MCF2: variants seen among roughly 807,000 people sequenced by gnomAD.
The protein encoded by MCF2 is MCF.2 cell line derived transforming sequence, also known as proto-oncogene DBL.
MCF2 carries 44 observed loss-of-function variants against 82.5 expected under a neutral mutation model. That is an observed-to-expected ratio of 0.53 (90% confidence interval 0.42 to 0.69). The LOEUF (loss-of-function observed/expected upper bound fraction) is 0.69. MCF2 is among the 30% of genes least tolerant of loss of function. The probability of loss-of-function intolerance (pLI) is 0.00; values close to 1 mark genes in which losing one functional copy is unlikely to be tolerated. For synonymous variants in MCF2, 217 were observed against 224.9 expected, an observed-to-expected ratio of 0.96 and a Z score of 0.32; for missense variants, 623 against 663.1, an observed-to-expected ratio of 0.94 and a Z score of 0.66.
chrX:139,586,997 C>A (rs1237806336), intron 22 of MCF2, among the ~76,000 whole-genome samples: 2 of 111,626 alleles, frequency 1.8e-5, no homozygotes, highest in East Asian at 5.6e-4. Flanking sequence ...TCCACGTGAA[C>A]CACCATATGT....
chrX:139,625,548 T>C (rs139123933), intron 6 of MCF2, among the ~76,000 whole-genome samples: 3,458 of 111,204 alleles, frequency 0.031, 129 homozygotes, highest in African/African-American at 0.11. Context: ...GCTGGGCACA[T>C]GCAAGAGGAA....
At chrX:139,631,418 T>C (rs750217116) in exon 3 of MCF2, 1 of 1,197,930 alleles carries the variant, frequency 8.3e-7, no homozygotes, top group African/African-American at 1.7e-5. Flanking sequence ...ATCCATTCAC[T>C]GTGGCAGTAC....
At position 139,642,735 on chromosome X, in the gene MCF2, T is replaced by C; in HGVS notation, c.-217A>G. The C allele has an allele frequency of 2.8e-6, 3 of 1,065,401 alleles. No homozygotes were observed. The African/African-American group carries it at 5.7e-5, about 20-fold the overall frequency. The allele number at this position is 1,065,401 out of a possible 1,213,427, so 87.8% of individuals were successfully genotyped here. A position where few individuals can be genotyped will look rare whatever the true frequency, so the allele number is the denominator to read the frequency against. On this transcript the variant is annotated 5_prime_UTR_variant, in exon 1 of 25. Transcript: ENST00000370576. ...ATTAGTCAGCTGACAGATCCTTCCCTTCTGCTCCTTGTAATTCAGAGTTAA... is the reference window on the plus strand; with the variant it reads ...ATTAGTCAGCTGACAGATCCTTCCCCTCTGCTCCTTGTAATTCAGAGTTAA...
rs1194142814 is a variant in MCF2 at position 139,595,442 on chromosome X, T to C, written c.2277+1107A>G. 4.5e-3 allele frequency among the ~76,000 whole-genome samples: 483 copies of C among 107,494 alleles called. 4 individuals carry two copies. The highest frequency in any genetic ancestry group is 0.012 in the African/African-American group (345 of 29,586). The allele number at this position is 107,494 out of a possible 115,157, so 93.3% of individuals were successfully genotyped here. A position where few individuals can be genotyped will look rare whatever the true frequency, so the allele number is the denominator to read the frequency against. On this transcript the variant is annotated intron_variant, in intron 19 of 24. Transcript: ENST00000370576. ...GTCCTTTGTAGGGACATGGATGAAA[T>C]TGGAAATCATCATTCTCAGTAAACT...
At chrX:139,651,113 C>T (rs1933990010) in intron 2 of MCF2, among the ~76,000 whole-genome samples, 1 of 107,894 alleles carries the variant, frequency 9.3e-6, no homozygotes, top group Admixed American at 9.8e-5. Context: ...ATGGTGGTGG[C>T]AATGGTGGCA....
At chrX:139,690,272 A>G (rs1935226760) in intron 1 of MCF2, among the ~76,000 whole-genome samples, 1 of 110,147 alleles carries the variant, frequency 9.1e-6, no homozygotes, top group Non-Finnish European at 1.9e-5. Flanking sequence ...CAGCAAAAAT[A>G]TCAACTTACA....
At chrX:139,618,795 T>C (rs1932120550) in intron 7 of MCF2, among the ~76,000 whole-genome samples, 1 of 111,755 alleles carries the variant, frequency 8.9e-6, no homozygotes, top group Non-Finnish European at 1.9e-5. Flanking sequence ...AAGAGTTTTT[T>C]AAGTATTAAA....
intron 1 of MCF2, among the ~76,000 whole-genome samples, chrX:139,664,826 T>A (rs766234585): frequency 8.9e-6 from 1 of 112,001 alleles, no homozygotes; most frequent in African/African-American, 3.2e-5. Flanking sequence ...CCAAGGCCCA[T>A]GGCATACTAC....
At chrX:139,614,435 A>G (rs921201927) in intron 10 of MCF2, among the ~76,000 whole-genome samples, 1 of 111,362 alleles carries the variant, frequency 9.0e-6, no homozygotes, top group Admixed American at 9.6e-5. Flanking sequence ...ACAAAACTCT[A>G]TGTACTTGTA....
intron 1 of MCF2, among the ~76,000 whole-genome samples, chrX:139,686,850 C>G (rs1935136915): frequency 9.0e-6 from 1 of 111,608 alleles, no homozygotes; most frequent in South Asian, 3.8e-4. Context: ...CTGCTTCCAT[C>G]TTTGTCTGAC....
chrX:139,694,869 C>A (rs1456246160), intron 1 of MCF2, among the ~76,000 whole-genome samples: 2 of 109,110 alleles, frequency 1.8e-5, no homozygotes, highest in South Asian at 3.9e-4. Flanking sequence ...GATTGTTAAG[C>A]ATATCAGTTA....
chrX:139,608,760 C>A (rs1931255846), intron 11 of MCF2, among the ~76,000 whole-genome samples: 1 of 111,627 alleles, frequency 9.0e-6, no homozygotes, highest in African/African-American at 3.3e-5. Context: ...TATATTTAAT[C>A]CAAACAGCAT....
chrX:139,702,032 A>G (rs747161361), intron 1 of MCF2, among the ~76,000 whole-genome samples: 1 of 111,266 alleles, frequency 9.0e-6, no homozygotes, highest in African/African-American at 3.3e-5. Flanking sequence ...TCCCACTGCA[A>G]TGGTTTACCT....
chrX:139,688,199 A>G (rs185191363), intron 1 of MCF2, among the ~76,000 whole-genome samples: 104 of 112,072 alleles, frequency 9.3e-4, no homozygotes, highest in African/African-American at 3.1e-3. Context: ...TCCACAGTTT[A>G]GGAGCCCAGA....
chrX:139,702,114 T>C (rs1227961958), intron 1 of MCF2, among the ~76,000 whole-genome samples: 2 of 111,957 alleles, frequency 1.8e-5, no homozygotes, highest in African/African-American at 6.5e-5. Flanking sequence ...CCCAGCCTAT[T>C]CTTTAAAACA....
chrX:139,613,174 A>C (rs935343120), intron 10 of MCF2, 42 bp downstream of exon 14: 5 of 1,014,645 alleles, frequency 4.9e-6, no homozygotes. Flanking sequence ...ACACAAACTC[A>C]GAAAAATGTA....
chrX:139,677,705 T>C (rs1337038285), intron 1 of MCF2, among the ~76,000 whole-genome samples: 1 of 111,830 alleles, frequency 8.9e-6, no homozygotes, highest in Non-Finnish European at 1.9e-5. Context: ...TCACGTCTTG[T>C]GTACAAGAAA....
chrX:139,582,241 A>G, exon 25 of MCF2: 1 of 421,169 alleles, frequency 2.4e-6, no homozygotes, highest in South Asian at 4.1e-5. Context: ...GAATCTTTCA[A>G]GCACAATATC....
chrX:139,659,310 AT>A (rs1934291727), intron 1 of MCF2, among the ~76,000 whole-genome samples: 1 of 111,060 alleles, frequency 9.0e-6, no homozygotes, highest in African/African-American at 3.3e-5. Context: ...AAATTTAAAA[AT>A]TAAAAAAAAA....
Sources: allele counts gnomAD v4.1 joint callset (sites outside exome capture counted in the v4.1 genomes callset), GRCh38; gene constraint gnomAD v4.1.1; transcripts MANE v1.5; gene names NCBI Gene and HGNC (gene_info 2026-07-23, HGNC 2026-07-21).